FAM135B: variants seen among roughly 807,000 people sequenced by gnomAD.
FAM135B encodes protein FAM135B.
Under a neutral mutation model 127.7 loss-of-function variants are expected in FAM135B, and 43 were observed. That is an observed-to-expected ratio of 0.34 (90% CI 0.26 to 0.43). The LOEUF (loss-of-function observed/expected upper bound fraction) is 0.43, where lower values mean the gene tolerates loss of function less well. FAM135B is among the 20% of genes least tolerant of loss of function. FAM135B has a pLI of 1.00. For missense variants in FAM135B, 1,558 were observed against 1,725.6 expected (o/e 0.90, Z 1.72); for synonymous variants, 670 against 665.1 (o/e 1.01, Z -0.11).
chr8:138,337,455 A>C (rs1433449961), intron 2 of FAM135B, among the ~76,000 whole-genome samples: 1 of 151,812 alleles, frequency 6.6e-6, no homozygotes, highest in Non-Finnish European at 1.5e-5. Flanking sequence ...GCATTCTTAT[A>C]CACCAATAGC....
At position 138,436,385 on chromosome 8, in the gene FAM135B, G is replaced by A. The variant is rs529149537; in HGVS notation, c.-20+60286C>T. On this transcript the variant is annotated intron_variant, in intron 1 of 19. Coordinates refer to ENST00000395297, the MANE Select transcript of FAM135B (RefSeq NM_015912.4). ...TAGCGGCACTGTGATATGAGAGGGT[G>A]ACAATCATATGATGTGGAAAGGTGG... Among the ~76,000 whole-genome samples the A allele has an allele frequency of 2.6e-5, 4 of 152,202 alleles. No homozygotes were observed. The East Asian group carries it at 5.8e-4, about 22-fold the overall frequency.
chr8:138,316,442 G>A lies in FAM135B; in HGVS notation c.78-5522C>T, dbSNP rs1016386526. Among the ~76,000 whole-genome samples, 96 of 150,422 alleles carry A rather than the reference G, an allele frequency of 6.4e-4. 1 individual carries two copies. The highest frequency in any genetic ancestry group is 2.2e-3 in the African/African-American group (89 of 40,226). ...CCGGAAGGCGGAGCTTGCAGTGAGCGGAGATCGCGCCACAGCACTCCCGCC... is the reference window on the plus strand; with the variant it reads ...CCGGAAGGCGGAGCTTGCAGTGAGCAGAGATCGCGCCACAGCACTCCCGCC... On this transcript the variant is annotated intron_variant, in intron 2 of 19. Coordinates refer to ENST00000395297, the MANE Select transcript of FAM135B (RefSeq NM_015912.4).
chr8:138,246,824 C>A (rs1218153852), intron 6 of FAM135B, among the ~76,000 whole-genome samples: 1 of 152,160 alleles, frequency 6.6e-6, no homozygotes, highest in East Asian at 1.9e-4. Flanking sequence ...ATGAAAGCAG[C>A]CAGTAGAGGG....
chr8:138,444,725 C>T (rs1836009942), intron 1 of FAM135B, among the ~76,000 whole-genome samples: 1 of 152,104 alleles, frequency 6.6e-6, no homozygotes, highest in African/African-American at 2.4e-5. Context: ...GACACCCTAA[C>T]ATCACAATTA....
At chr8:138,236,070 G>A (rs747889587) in intron 7 of FAM135B, among the ~76,000 whole-genome samples, 16 of 151,874 alleles carry the variant, frequency 1.1e-4, no homozygotes, top group Non-Finnish European at 1.9e-4. Context: ...GTCAAATGCC[G>A]GACACTCTAT....
chr8:138,291,772 T>C (rs550078259), intron 3 of FAM135B, among the ~76,000 whole-genome samples: 7 of 152,240 alleles, frequency 4.6e-5, no homozygotes, highest in African/African-American at 1.4e-4. Flanking sequence ...AAATTAGGTA[T>C]AGAAGAAAGA....
At chr8:138,283,436 G>A (rs1824428688) in intron 3 of FAM135B, among the ~76,000 whole-genome samples, 1 of 146,238 alleles carries the variant, frequency 6.8e-6, no homozygotes, top group South Asian at 2.2e-4. Context: ...AAAAAAAATA[G>A]TGGTTTTTCA....
chr8:138,270,624 T>G (rs1823307355), intron 3 of FAM135B, among the ~76,000 whole-genome samples: 1 of 152,224 alleles, frequency 6.6e-6, no homozygotes, highest in African/African-American at 2.4e-5. Flanking sequence ...ATCAGGGTGC[T>G]TGCATCTGGC....
intron 4 of FAM135B, among the ~76,000 whole-genome samples, chr8:138,261,503 C>A (rs111652334): frequency 0.026 from 4,008 of 152,284 alleles, 78 homozygotes; most frequent in South Asian, 0.042. Flanking sequence ...AATACATTTA[C>A]CCCAGCCTTT....
chr8:138,450,777 T>G (rs1836439694), intron 1 of FAM135B: 1 of 152,182 alleles, frequency 6.6e-6, no homozygotes, highest in Non-Finnish European at 1.5e-5. Flanking sequence ...CTCATTAGCA[T>G]TTGACTCAGG....
intron 1 of FAM135B, among the ~76,000 whole-genome samples, chr8:138,476,797 T>C (rs1814482011): frequency 6.6e-6 from 1 of 152,188 alleles, no homozygotes; most frequent in South Asian, 2.1e-4. Flanking sequence ...TCTAAGCTGT[T>C]TTCCTGGAAA....
rs1281413522 is a variant in FAM135B, at chr8:138,242,544, T to C, written c.669+398A>G. 6.6e-6 allele frequency among the ~76,000 whole-genome samples: 1 copy of C among 152,134 alleles called. No individual in the cohort carries two copies. The highest frequency in any genetic ancestry group is 6.5e-5 in the Admixed American group (1 of 15,272). ...TTATTAGCTATTGGGGAGCCCACTC[T>C]ACAGGTGGGAAAACTGATGTTCAGA... On this transcript the variant is annotated intron_variant, in intron 7 of 19. Coordinates refer to ENST00000395297, the MANE Select transcript of FAM135B (RefSeq NM_015912.4). This position sits in a 1 kb window ranked among gnomAD's most constrained non-coding sequence, Gnocchi z 9.6.
At chr8:138,347,641 G>A (rs1217798695) in intron 2 of FAM135B, among the ~76,000 whole-genome samples, 2 of 152,114 alleles carry the variant, frequency 1.3e-5, no homozygotes, top group Admixed American at 1.3e-4. Context: ...GATGATACAA[G>A]TTGCAGTCGT....
At chr8:138,174,580 C>G (rs1814256460) in intron 11 of FAM135B, among the ~76,000 whole-genome samples, 1 of 152,172 alleles carries the variant, frequency 6.6e-6, no homozygotes, top group South Asian at 2.1e-4. Flanking sequence ...TTTACTTTCT[C>G]CTGAGTAGTA....
chr8:138,301,362 ACAAT>A (rs1825875107), intron 3 of FAM135B, among the ~76,000 whole-genome samples: 2 of 152,222 alleles, frequency 1.3e-5, no homozygotes, highest in Non-Finnish European at 1.5e-5. Flanking sequence ...TTTTCTCCAA[ACAAT>A]CAGGATTTTT....
At chr8:138,406,301 T>C (rs1188017416) in intron 1 of FAM135B, among the ~76,000 whole-genome samples, 1 of 152,142 alleles carries the variant, frequency 6.6e-6, no homozygotes, top group Non-Finnish European at 1.5e-5. Context: ...TAGGAGCAGA[T>C]GGATTCACAG....
chr8:138,395,284 TC>T (rs1411692101), intron 1 of FAM135B, among the ~76,000 whole-genome samples: 2 of 152,138 alleles, frequency 1.3e-5, no homozygotes, highest in Non-Finnish European at 2.9e-5. Flanking sequence ...TCTGAGGAAT[TC>T]CCAGCAGAAC....
intron 3 of FAM135B, among the ~76,000 whole-genome samples, chr8:138,306,476 C>T (rs1394241329): frequency 6.6e-6 from 1 of 151,012 alleles, no homozygotes; most frequent in African/African-American, 2.4e-5. Context: ...AGGAAACTAC[C>T]AGATGAGACT....
At chr8:138,345,221 G>C (rs1238153956) in intron 2 of FAM135B, among the ~76,000 whole-genome samples, 1 of 152,236 alleles carries the variant, frequency 6.6e-6, no homozygotes, top group Non-Finnish European at 1.5e-5. Context: ...TGATGGATGA[G>C]ACCTGGCTGC....
Sources: allele counts gnomAD v4.1 joint callset (sites outside exome capture counted in the v4.1 genomes callset), GRCh38; gene constraint gnomAD v4.1.1; non-coding constraint Gnocchi (gnomAD v3.1); transcripts MANE v1.5; gene names NCBI Gene and HGNC (gene_info 2026-07-23, HGNC 2026-07-21).